Variants in FSIP2 observed in about 807,000 individuals in gnomAD.
The protein encoded by FSIP2 is fibrous sheath-interacting protein 2.
Under a neutral mutation model 510.5 loss-of-function variants are expected in FSIP2, and 367 were observed. That is an observed-to-expected ratio of 0.72 (90% CI 0.66 to 0.78). The LOEUF is 0.78. FSIP2 is among the 30% of genes least tolerant of loss of function. The probability of loss-of-function intolerance (pLI) is 0.00; values close to 1 mark genes in which losing one functional copy is unlikely to be tolerated. For missense variants in FSIP2, 7,594 were observed against 7,901.7 expected (o/e 0.96, Z 1.48); for synonymous variants, 2,601 against 2,732.2 (o/e 0.95, Z 1.50).
intron 9 of FSIP2, among the ~76,000 whole-genome samples, chr2:185,758,328 G>T (rs887498044): frequency 6.6e-6 from 1 of 150,996 alleles, no homozygotes; most frequent in South Asian, 2.1e-4. Flanking sequence ...GTTGAAGTAC[G>T]GACCCCTTGC....
In FSIP2 at chr2:185,744,325, G is replaced by T. The variant is rs562668559; in HGVS notation, c.391G>T (p.Val131Leu). 21 of 1,098,576 alleles carry T rather than the reference G, an allele frequency of 1.9e-5. No individual in the cohort carries two copies. In the South Asian group the frequency reaches 4.0e-4, roughly 21 times the overall value. 68.1% of individuals were successfully genotyped at this position (1,098,576 alleles called of 1,614,324 possible). ...CTGTTTTCATTTTTGTTTGTAGGTT[G>T]TATGTACCTTGAGAGAATTGAATAA... ...GGYITSNNKVVCTLRELNKYR... is the reference protein window; with the variant it reads ...GGYITSNNKVLCTLRELNKYR... The change falls in exon 4 of 23, where the codon GTA becomes TTA. Residue 131 changes from valine (V) to leucine (L), a missense_variant. Transcript: ENST00000424728.
rs150356575 is a variant in FSIP2, at chr2:185,824,523, T to A, written c.20473+43T>A. The A allele has an allele frequency of 4.4e-5, 50 of 1,128,778 alleles. No individual in the cohort carries two copies. In the East Asian group the frequency reaches 1.2e-3, roughly 26 times the overall value. The allele number at this position is 1,128,778 out of a possible 1,614,324, so 69.9% of individuals were successfully genotyped here. ...TAAATTAGAGAGTATTTTTTACTAC[T>A]TTGATGTGTTTTTTTTTTAGTTATC... On this transcript the variant is annotated intron_variant, in intron 20 of 22. Transcript: ENST00000424728.
In FSIP2 at chr2:185,813,825, C is replaced by T. The variant is rs1021987201; in HGVS notation, c.20108C>T (p.Thr6703Ile). The stretch of plus-strand genomic sequence containing the variant: ...CAAAGCAAACTTTCTCCTAAGTCAA[C>T]ACTAAGCACGAGCAGCCTGAAAAAA... ...PIQSKLSPKS[T>I]LSTSSLKKFL... Residue 6703 changes from threonine (T) to isoleucine (I), a missense_variant, in exon 18 of 23, where the codon ACA (threonine) becomes ATA (isoleucine). Physicochemically the swap from Thr to Ile is moderately conservative, Grantham distance 89. Transcript: ENST00000424728. 6.8e-6 allele frequency: 11 copies of T among 1,613,432 alleles called. No homozygotes were observed. In the African/African-American group the frequency reaches 1.5e-4, roughly 22 times the overall value.
At chr2:185,820,550 A>G (rs1693896030) in intron 19 of FSIP2, among the ~76,000 whole-genome samples, 2 of 151,582 alleles carry the variant, frequency 1.3e-5, no homozygotes, top group African/African-American at 4.8e-5. Flanking sequence ...TCAAATGCAC[A>G]TAGCACACTC....
In FSIP2 at chr2:185,806,200, T is replaced by G; in HGVS notation, c.16894T>G (p.Leu5632Val). The change falls in exon 17 of 23, where the codon TTG becomes GTG. Residue 5632 changes from leucine to valine, a missense_variant. Physicochemically the swap from Leu to Val is conservative, Grantham distance 32. Transcript: ENST00000424728. ...KDDKLFQLSS[L>V]KSKRNLGTTT... ...TGACAAGCTCTTTCAGTTATCCTCCTTGAAGTCCAAGAGAAATCTAGGGAC... is the reference window on the plus strand; with the variant it reads ...TGACAAGCTCTTTCAGTTATCCTCCGTGAAGTCCAAGAGAAATCTAGGGAC... 1 of 1,599,836 alleles carries G rather than the reference T, an allele frequency of 6.3e-7. No homozygotes were observed. Among genetic ancestry groups the G allele is most frequent in the Non-Finnish European group, 8.5e-7 (1 of 1,175,306 alleles).
At position 185,802,822 on chromosome 2, in the gene FSIP2, G is replaced by A; in HGVS notation, c.13516G>A (p.Ala4506Thr). 1 of 1,520,950 alleles carries A rather than the reference G, an allele frequency of 6.6e-7. No homozygotes were observed. The highest frequency in any genetic ancestry group is 2.5e-5 in the East Asian group (1 of 40,780). The allele number at this position is 1,520,950 out of a possible 1,614,324, so 94.2% of individuals were successfully genotyped here. The change falls in exon 17 of 23, where the codon GCT (alanine) becomes ACT (threonine). Residue 4506 changes from alanine (A) to threonine (T), a missense_variant. Physicochemically the swap from Ala to Thr is moderately conservative, Grantham distance 58. Coordinates refer to ENST00000424728, the MANE Select transcript of FSIP2 (RefSeq NM_173651.4). ...DISRVNFNDI[A>T]SNLVSDIRMK... ...ATCAAGAGTGAATTTCAATGACATT[G>A]CTTCAAACCTAGTTAGTGATATTAG...
Position 185,789,109 on chromosome 2 carries a change from A to C in FSIP2, c.1973A>C (p.Lys658Thr), listed in dbSNP as rs572081319. The C allele has an allele frequency of 6.5e-7, 1 of 1,535,194 alleles. No homozygotes were observed. Among genetic ancestry groups the C allele is most frequent in the Admixed American group, 2.0e-5 (1 of 50,918 alleles). ...TTAGCATCATTTGAAACAGGCACAA[A>C]AAAATCTAAGGATGCTACCACTGAA... ...HLLASFETGT[K>T]KSKDATTETD... Residue 658 changes from lysine (K) to threonine (T), a missense_variant, in exon 16 of 23, where the codon AAA (lysine) becomes ACA (threonine). Physicochemically the swap from Lys to Thr is moderately conservative, Grantham distance 78. Coordinates refer to ENST00000424728, the MANE Select transcript of FSIP2 (RefSeq NM_173651.4).
chr2:185,763,992 G>A (rs763379663), intron 12 of FSIP2, among the ~76,000 whole-genome samples: 32 of 151,394 alleles, frequency 2.1e-4, no homozygotes, highest in Non-Finnish European at 4.3e-4. Flanking sequence ...CATATCAATA[G>A]CCACATTAAA....
Position 185,763,207 on chromosome 2 carries a change from G to T in FSIP2, c.1265G>T (p.Gly422Val). 1 of 1,493,472 alleles carries T rather than the reference G, an allele frequency of 6.7e-7. No homozygotes were observed. Among genetic ancestry groups the T allele is most frequent in the Non-Finnish European group, 9.0e-7 (1 of 1,108,880 alleles). 92.5% of individuals were successfully genotyped at this position (1,493,472 alleles called of 1,614,324 possible). The change falls in exon 12 of 23, where the codon GGT becomes GTT. Residue 422 changes from glycine to valine, a missense_variant. By Grantham distance (109) the Gly-to-Val change is moderately radical. Coordinates refer to ENST00000424728, the MANE Select transcript of FSIP2 (RefSeq NM_173651.4). Reference protein sequence around the residue: ...DRGGINISGQGSIISAQVSPT... With the variant: ...DRGGINISGQVSIISAQVSPT... ...GGAGGTATAAATATTTCAGGCCAAGGTTCAATTATTTCAGCGCAGGTATCA... is the reference window on the plus strand; with the variant it reads ...GGAGGTATAAATATTTCAGGCCAAGTTTCAATTATTTCAGCGCAGGTATCA...
chr2:185,745,747 T>C (rs1692016365), intron 5 of FSIP2, among the ~76,000 whole-genome samples, 179 bp downstream of exon 5: 1 of 152,070 alleles, frequency 6.6e-6, no homozygotes, highest in South Asian at 2.1e-4. Context: ...GGGGTTAGGG[T>C]TGCTGGACGC....
intron 18 of FSIP2, 34 bp from the exon 19 acceptor site, chr2:185,815,337 C>A (rs1241826258): frequency 1.1e-6 from 1 of 916,116 alleles, no homozygotes; most frequent in Non-Finnish European, 1.8e-6. Context: ...TCCCAAACTC[C>A]ATTTAGTGTA....
At position 185,754,091 on chromosome 2, in the gene FSIP2, C is replaced by T. The variant is rs566307994; in HGVS notation, c.991+249C>T. On this transcript the variant is annotated intron_variant, in intron 8 of 22. Coordinates refer to ENST00000424728, the MANE Select transcript of FSIP2 (RefSeq NM_173651.4). ...TGTACTGCATTTGTAACCAACCTCC[C>T]TATATTTAAAGTAATTACTAAAATG... 2.6e-5 allele frequency among the ~76,000 whole-genome samples: 4 copies of T among 151,450 alleles called. No individual in the cohort carries two copies. The South Asian group carries it at 6.2e-4, about 24-fold the overall frequency.
rs1019212649 is a variant in FSIP2 at position 185,802,849 on chromosome 2, A to G, written c.13543A>G (p.Met4515Val). The G allele has an allele frequency of 6.6e-7, 1 of 1,509,398 alleles. No homozygotes were observed. The highest frequency in any genetic ancestry group is 1.4e-5 in the African/African-American group (1 of 71,580). 93.5% of individuals were successfully genotyped at this position (1,509,398 alleles called of 1,614,324 possible). ...TTCAAACCTAGTTAGTGATATTAGG[A>G]TGAAAGTTTCCCAACATGAAATTCG... ...IASNLVSDIR[M>V]KVSQHEIRFS... Residue 4515 changes from methionine to valine, a missense_variant, in exon 17 of 23, where the codon ATG (methionine) becomes GTG (valine). Physicochemically the swap from Met to Val is conservative, Grantham distance 21 (BLOSUM62 1). Transcript: ENST00000424728.
At position 185,801,725 on chromosome 2, in the gene FSIP2, A is replaced by G; in HGVS notation, c.12419A>G (p.His4140Arg). 7 of 1,530,660 alleles carry G rather than the reference A, an allele frequency of 4.6e-6. No individual in the cohort carries two copies. Among genetic ancestry groups the G allele is most frequent in the Non-Finnish European group, 6.1e-6 (7 of 1,144,248 alleles). 94.8% of individuals were successfully genotyped at this position (1,530,660 alleles called of 1,614,324 possible). A position where few individuals can be genotyped will look rare whatever the true frequency, so the allele number is the denominator to read the frequency against. Residue 4140 changes from histidine (H) to arginine (R), a missense_variant, in exon 17 of 23, where the codon CAT becomes CGT. Physicochemically the swap from His to Arg is conservative, Grantham distance 29. Transcript: ENST00000424728. ...SSSDYSTMLS[H>R]SFLEDVIRRL... Reference sequence around the variant, plus strand: ...TCAGACTATAGTACCATGTTATCACATTCATTTTTAGAAGATGTCATAAGA... The same window carrying G: ...TCAGACTATAGTACCATGTTATCACGTTCATTTTTAGAAGATGTCATAAGA...
intron 4 of FSIP2, 64 bp from the exon 5 acceptor site, chr2:185,745,365 T>C: frequency 1.1e-6 from 1 of 934,550 alleles, no homozygotes; most frequent in Non-Finnish European, 1.5e-6. Flanking sequence ...TAAATTTAAA[T>C]GGTTTTATTT....
intron 8 of FSIP2, among the ~76,000 whole-genome samples, chr2:185,755,145 G>A (rs1476197016): frequency 6.6e-6 from 1 of 151,442 alleles, no homozygotes; most frequent in Non-Finnish European, 1.5e-5. Context: ...ACCCTAACTG[G>A]AAGGTCCCTT....
intron 13 of FSIP2, among the ~76,000 whole-genome samples, chr2:185,770,119 G>C (rs780154046): frequency 2.6e-5 from 4 of 152,164 alleles, no homozygotes; most frequent in Non-Finnish European, 5.9e-5. Flanking sequence ...AATGCCATTG[G>C]TAGTTTGATA....
chr2:185,759,525 T>G (rs2105554011), intron 9 of FSIP2, among the ~76,000 whole-genome samples: 1 of 145,536 alleles, frequency 6.9e-6, no homozygotes, highest in Non-Finnish European at 1.5e-5. Context: ...ATATATAAGA[T>G]AATTAACTTT....
intron 13 of FSIP2, among the ~76,000 whole-genome samples, chr2:185,780,753 G>A (rs1420400606): frequency 6.6e-6 from 1 of 151,942 alleles, no homozygotes; most frequent in Non-Finnish European, 1.5e-5. Flanking sequence ...TTATATGTGA[G>A]CTCAGTTTTG....
Sources: gnomAD v4.1 joint callset for allele counts (sites outside exome capture counted in the v4.1 genomes callset) on GRCh38, gnomAD v4.1.1 for gene constraint, MANE v1.5 for transcripts, NCBI Gene and HGNC (gene_info 2026-07-23, HGNC 2026-07-21) for gene names.